Variants in WDFY4 observed in about 807,000 individuals in gnomAD.
WDFY4 encodes WD repeat- and FYVE domain-containing protein 4.
In WDFY4, 169 loss-of-function variants were observed where a neutral mutation model predicts 351.9. The observed-to-expected ratio is 0.48, with a 90% CI of 0.42 to 0.55. The LOEUF is 0.55. Among genes scored for constraint, WDFY4 ranks in the 20% least tolerant of loss-of-function variants. WDFY4 has a pLI of 0.00. For missense variants in WDFY4, 3,803 were observed against 3,935.6 expected, an observed-to-expected ratio of 0.97 and a Z score of 0.90; for synonymous variants, 1,622 against 1,574.6, an observed-to-expected ratio of 1.03 and a Z score of -0.71.
At chr10:48,824,844 T>C (rs1252040940) in intron 35 of WDFY4, among the ~76,000 whole-genome samples, 2 of 152,190 alleles carry the variant, frequency 1.3e-5, no homozygotes, top group East Asian at 3.9e-4. Context: ...GGTCTTACTA[T>C]GTTGCTGCCC....
At chr10:48,721,450 C>A in intron 4 of WDFY4, 83 bp downstream of exon 4, 2 of 1,208,496 alleles carry the variant, frequency 1.7e-6, no homozygotes, top group Non-Finnish European at 2.4e-6. Flanking sequence ...GGTGGCATAT[C>A]CCAAGAGGGT....
intron 44 of WDFY4, among the ~76,000 whole-genome samples, chr10:48,894,627 G>T (rs895318303): frequency 6.6e-6 from 1 of 152,274 alleles, no homozygotes; most frequent in Non-Finnish European, 1.5e-5. Context: ...CATGTCCTGA[G>T]CTCAGGGGAA....
intron 39 of WDFY4, among the ~76,000 whole-genome samples, chr10:48,847,028 A>G (rs1221406797): frequency 6.6e-6 from 1 of 152,144 alleles, no homozygotes; most frequent in Non-Finnish European, 1.5e-5. Flanking sequence ...GAAAGTTCCT[A>G]TATTAGTTTC....
At chr10:48,823,189 C>T (rs1172928701) in intron 35 of WDFY4, 1 of 1,303,078 alleles carries the variant, frequency 7.7e-7, no homozygotes, top group Admixed American at 2.3e-5. Flanking sequence ...TAGATCTCAG[C>T]CCCATTACAA....
chr10:48,714,538 T>C (rs2063848280), intron 2 of WDFY4, among the ~76,000 whole-genome samples: 1 of 152,234 alleles, frequency 6.6e-6, no homozygotes, highest in Non-Finnish European at 1.5e-5. Flanking sequence ...TTCAGAACCT[T>C]TCCCATCGTA....
intron 51 of WDFY4, among the ~76,000 whole-genome samples, chr10:48,956,600 T>A (rs1418691759): frequency 6.6e-6 from 1 of 152,076 alleles, no homozygotes; most frequent in Non-Finnish European, 1.5e-5. Flanking sequence ...ATATTCCCCA[T>A]CAGCAAGCTT....
chr10:48,689,135 A>T (rs779019663), intron 1 of WDFY4, among the ~76,000 whole-genome samples: 9 of 152,104 alleles, frequency 5.9e-5, no homozygotes, highest in Non-Finnish European at 8.8e-5. Context: ...AGGAAAATGA[A>T]CTTCTCAGAG....
At position 48,820,257 on chromosome 10, in the gene WDFY4, G is replaced by A. The variant is rs1055778091; in HGVS notation, c.5529G>A (p.Arg1843=). 3 of 1,551,644 alleles carry A rather than the reference G, an allele frequency of 1.9e-6. No homozygotes were observed. The highest frequency in any genetic ancestry group is 2.6e-6 in the Non-Finnish European group (3 of 1,146,984). ...AGGGGGTTGGGGCTGAGTCCACCCGGAACACCAGCAGTCCTGAGGCCGCAG... is the reference window on the plus strand; with the variant it reads ...AGGGGGTTGGGGCTGAGTCCACCCGAAACACCAGCAGTCCTGAGGCCGCAG... ...AQKGVGAEST[R]NTSSPEAAAE... The change falls in exon 33 of 62, where the codon CGG becomes CGA. Residue 1843 remains arginine (R), a synonymous_variant. Transcript: ENST00000325239.
At chr10:48,930,639 A>G (rs1839937877) in intron 47 of WDFY4, among the ~76,000 whole-genome samples, 1 of 152,232 alleles carries the variant, frequency 6.6e-6, no homozygotes, top group Non-Finnish European at 1.5e-5. Flanking sequence ...AGGAAATAAG[A>G]ACAAGACTTT....
chr10:48,974,519 A>AC (rs1554824238), intron 57 of WDFY4, among the ~76,000 whole-genome samples: 5 of 49,970 alleles, frequency 1.0e-4, no homozygotes, highest in South Asian at 1.3e-3. Flanking sequence ...AAAAAAAAAA[A>AC]AAAAAAAAAA....
chr10:48,977,466 C>T (rs1422598772), intron 59 of WDFY4, among the ~76,000 whole-genome samples: 1 of 151,316 alleles, frequency 6.6e-6, no homozygotes, highest in South Asian at 2.1e-4. Context: ...TCCATCCATC[C>T]ATGTATCCCT....
At chr10:48,837,360 C>G (rs1440806058) in intron 39 of WDFY4, among the ~76,000 whole-genome samples, 3 of 152,066 alleles carry the variant, frequency 2.0e-5, no homozygotes, top group Non-Finnish European at 4.4e-5. Context: ...GGGGGTACCA[C>G]AGGCCAGCCT....
intron 5 of WDFY4, among the ~76,000 whole-genome samples, chr10:48,724,561 G>T (rs914950745): frequency 6.6e-6 from 1 of 152,140 alleles, no homozygotes; most frequent in Non-Finnish European, 1.5e-5. Context: ...GTGCCCTGAA[G>T]GGAAGTAGTG....
At chr10:48,891,051 A>G (rs12243645) in intron 44 of WDFY4, among the ~76,000 whole-genome samples, 1,989 of 152,324 alleles carry the variant, frequency 0.013, 35 homozygotes, top group African/African-American at 0.045. Flanking sequence ...ACGACATGTT[A>G]GTTGCTCATT....
At chr10:48,815,973 T>A (rs1036548190) in intron 31 of WDFY4, among the ~76,000 whole-genome samples, 3 of 152,228 alleles carry the variant, frequency 2.0e-5, no homozygotes, top group Non-Finnish European at 4.4e-5. Context: ...CCTTTCTTTG[T>A]ATTCAGCAAG....
Position 48,770,070 on chromosome 10 carries a change from A to G in WDFY4, c.2554-4388A>G, listed in dbSNP as rs573780402. ...GTTTCCTGCTACTGCTATCTTCACT[A>G]AAACCCCATTTTACTGGAACTAACG... On this transcript the variant is annotated intron_variant, in intron 13 of 61. Transcript: ENST00000325239. Among the ~76,000 whole-genome samples, 10 of 152,342 alleles carry G rather than the reference A, an allele frequency of 6.6e-5. No individual in the cohort carries two copies. In the South Asian group the frequency reaches 2.1e-3, roughly 32 times the overall value.
chr10:48,969,956 C>T (rs1012255541), intron 56 of WDFY4, among the ~76,000 whole-genome samples, 175 bp from the exon 57 acceptor site: 2 of 152,168 alleles, frequency 1.3e-5, no homozygotes, highest in Admixed American at 6.5e-5. Context: ...AGGAGGAGCT[C>T]CTGCGTGGGG....
At chr10:48,842,820 A>G (rs1049357633) in intron 39 of WDFY4, among the ~76,000 whole-genome samples, 1 of 152,194 alleles carries the variant, frequency 6.6e-6, no homozygotes, top group African/African-American at 2.4e-5. Flanking sequence ...ATCTCCTGCC[A>G]GTCACACTCT....
intron 2 of WDFY4, among the ~76,000 whole-genome samples, chr10:48,710,248 T>C (rs1475802808): frequency 6.6e-6 from 1 of 152,210 alleles, no homozygotes; most frequent in Non-Finnish European, 1.5e-5. Flanking sequence ...TCATAGAAGG[T>C]GCCTTCTTGC....
Sources: allele counts gnomAD v4.1 joint callset (sites outside exome capture counted in the v4.1 genomes callset), GRCh38; gene constraint gnomAD v4.1.1; transcripts MANE v1.5; gene names NCBI Gene and HGNC (gene_info 2026-07-23, HGNC 2026-07-21).